Variants in LRBA observed in about 807,000 individuals in gnomAD.
LRBA encodes the protein lipopolysaccharide-responsive and beige-like anchor protein.
Under a neutral mutation model 330.0 loss-of-function variants are expected in LRBA, and 176 were observed. That is an observed-to-expected ratio of 0.53 (90% CI 0.47 to 0.60). The LOEUF is 0.60. Ranked by LOEUF, LRBA falls within the 20% of genes least tolerant of loss-of-function variation. The probability of loss-of-function intolerance (pLI) is 0.00; values close to 1 mark genes in which losing one functional copy is unlikely to be tolerated. For missense variants in LRBA, 3,259 were observed against 3,444.8 expected (o/e 0.95, Z 1.35); for synonymous variants, 1,230 against 1,193.0 (o/e 1.03, Z -0.64).
At chr4:150,509,839 T>G (rs1001760238) in intron 40 of LRBA, among the ~76,000 whole-genome samples, 3 of 152,168 alleles carry the variant, frequency 2.0e-5, no homozygotes, top group Middle Eastern at 3.2e-3. Flanking sequence ...ACAGATCTCT[T>G]GAAAGACACA....
chr4:150,968,959 T>A (rs1739214118), intron 2 of LRBA, among the ~76,000 whole-genome samples: 1 of 152,178 alleles, frequency 6.6e-6, no homozygotes, highest in African/African-American at 2.4e-5. Context: ...AGAATTATGT[T>A]AAATGTACTC....
intron 34 of LRBA, among the ~76,000 whole-genome samples, chr4:150,797,706 C>A (rs1578812391): frequency 1.3e-5 from 2 of 152,022 alleles, no homozygotes; most frequent in East Asian, 1.9e-4. Flanking sequence ...CATTTTATAA[C>A]CTCTGCACAA....
intron 17 of LRBA, among the ~76,000 whole-genome samples, chr4:150,888,614 A>G (rs1020839943): frequency 2.0e-5 from 3 of 152,160 alleles, no homozygotes; most frequent in Non-Finnish European, 4.4e-5. Flanking sequence ...GCATCTCTAG[A>G]GCAACCACCA....
intron 53 of LRBA, among the ~76,000 whole-genome samples, chr4:150,287,005 C>T (rs1201639913): frequency 6.6e-6 from 1 of 152,158 alleles, no homozygotes; most frequent in Non-Finnish European, 1.5e-5. Flanking sequence ...AAAAGTCTTT[C>T]CAAGTGGAGA....
intron 36 of LRBA, among the ~76,000 whole-genome samples, chr4:150,687,918 C>T (rs1042764165): frequency 1.3e-5 from 2 of 152,166 alleles, no homozygotes; most frequent in Non-Finnish European, 2.9e-5. Flanking sequence ...CACCAACCTA[C>T]CAATGACTTT....
chr4:150,592,407 T>G (rs745664153), intron 38 of LRBA, among the ~76,000 whole-genome samples: 2 of 151,890 alleles, frequency 1.3e-5, no homozygotes, highest in Non-Finnish European at 2.9e-5. Flanking sequence ...GAATTCACCA[T>G]GTATACCATT....
chr4:150,981,120 A>AC (rs1740779477), intron 2 of LRBA, among the ~76,000 whole-genome samples: 1 of 152,128 alleles, frequency 6.6e-6, no homozygotes, highest in Non-Finnish European at 1.5e-5. Flanking sequence ...AATTAAAAAA[A>AC]AAAAAAACAT....
intron 2 of LRBA, among the ~76,000 whole-genome samples, chr4:150,954,090 C>T (rs553666925): frequency 1.3e-3 from 203 of 151,106 alleles, no homozygotes; most frequent in African/African-American, 4.6e-3. Context: ...ACCCAGCAGC[C>T]GCCCCGTCTG....
intron 44 of LRBA, among the ~76,000 whole-genome samples, chr4:150,465,980 G>C (rs185951290): frequency 2.2e-3 from 332 of 152,062 alleles, no homozygotes; most frequent in African/African-American, 5.5e-3. Flanking sequence ...ACAAGTATAT[G>C]GAAAGTACCC....
intron 47 of LRBA, among the ~76,000 whole-genome samples, chr4:150,402,633 CTG>C (rs1285917784): frequency 6.6e-6 from 1 of 151,944 alleles, no homozygotes; most frequent in Non-Finnish European, 1.5e-5. Context: ...TTTAGAATAA[CTG>C]TTAGTGGAGA....
At chr4:150,968,588 G>C (rs1247587504) in intron 2 of LRBA, among the ~76,000 whole-genome samples, 1 of 152,202 alleles carries the variant, frequency 6.6e-6, no homozygotes, top group Non-Finnish European at 1.5e-5. Flanking sequence ...GTCTGGGAGA[G>C]GTGAGTAAGC....
intron 2 of LRBA, among the ~76,000 whole-genome samples, chr4:150,979,993 A>C (rs1441735540): frequency 6.6e-6 from 1 of 152,218 alleles, no homozygotes; most frequent in African/African-American, 2.4e-5. Flanking sequence ...CCCTGATACC[A>C]AAAGAGACAA....
At chr4:150,782,424 T>C (rs1237130045) in intron 34 of LRBA, among the ~76,000 whole-genome samples, 1 of 152,186 alleles carries the variant, frequency 6.6e-6, no homozygotes, top group Admixed American at 6.5e-5. Flanking sequence ...TGAGCCAAAA[T>C]AAAAGTATCA....
intron 37 of LRBA, among the ~76,000 whole-genome samples, chr4:150,604,936 G>A (rs1561414110): frequency 6.6e-6 from 1 of 152,164 alleles, no homozygotes. Flanking sequence ...TGCACAGTCA[G>A]TATTTCCCTG....
intron 46 of LRBA, among the ~76,000 whole-genome samples, chr4:150,416,148 A>C (rs1443168930): frequency 6.6e-6 from 1 of 152,258 alleles, no homozygotes; most frequent in African/African-American, 2.4e-5. Context: ...ATTAGTCTAG[A>C]AAATGACTTG....
At chr4:150,712,322 G>A (rs1561541606) in intron 36 of LRBA, among the ~76,000 whole-genome samples, 2 of 152,130 alleles carry the variant, frequency 1.3e-5, no homozygotes, top group Non-Finnish European at 2.9e-5. Flanking sequence ...TGAGTATCCA[G>A]TTAGGGCCAG....
At chr4:150,334,802 CATT>C (rs763857084) in intron 48 of LRBA, among the ~76,000 whole-genome samples, 27 of 147,012 alleles carry the variant, frequency 1.8e-4, no homozygotes, top group Non-Finnish European at 2.7e-4. Context: ...TTTGGTATAT[CATT>C]ATTAAGTTTT....
chr4:150,269,182 T>TAACA (rs1312329826), intron 56 of LRBA, among the ~76,000 whole-genome samples: 7 of 152,230 alleles, frequency 4.6e-5, no homozygotes, highest in South Asian at 2.1e-4. Context: ...CAGAAACCCC[T>TAACA]AACAGCCAAA....
chr4:150,932,944 A>G (rs1227970240), intron 2 of LRBA, among the ~76,000 whole-genome samples: 1 of 152,110 alleles, frequency 6.6e-6, no homozygotes. Context: ...ACAAAAAAAT[A>G]GCAATTTGGT....
Sources: gnomAD v4.1 joint callset for allele counts (sites outside exome capture counted in the v4.1 genomes callset) on GRCh38, gnomAD v4.1.1 for gene constraint, MANE v1.5 for transcripts, NCBI Gene and HGNC (gene_info 2026-07-23, HGNC 2026-07-21) for gene names.